TLL2: variants seen among roughly 807,000 people sequenced by gnomAD.
TLL2 encodes tolloid-like protein 2.
Under a neutral mutation model 123.0 loss-of-function variants are expected in TLL2, and 106 were observed. The ratio of observed to expected loss-of-function variants is 0.86; its 90% CI spans 0.74 to 1.01. TLL2 has a LOEUF of 1.01. TLL2 is among the 50% of genes least tolerant of loss of function. The pLI is 0.00. For synonymous variants in TLL2, 494 were observed against 516.8 expected (o/e 0.96, Z 0.60); for missense variants, 1,332 against 1,336.7 (o/e 1.00, Z 0.06).
chr10:96,460,998 C>G, intron 2 of TLL2, among the ~76,000 whole-genome samples: 1 of 152,192 alleles, frequency 6.6e-6, no homozygotes, highest in East Asian at 1.9e-4. Flanking sequence ...TATCAGCCAC[C>G]TAGTCTATGA....
intron 1 of TLL2, among the ~76,000 whole-genome samples, chr10:96,498,743 C>T (rs1264252094): frequency 2.0e-5 from 3 of 152,162 alleles, no homozygotes; most frequent in Admixed American, 6.5e-5. Context: ...TTTTCCACCC[C>T]TTCCATATCC....
intron 1 of TLL2, among the ~76,000 whole-genome samples, chr10:96,499,391 A>G (rs1016323738): frequency 1.3e-5 from 2 of 152,118 alleles, no homozygotes; most frequent in African/African-American, 4.8e-5. Flanking sequence ...TGCATCTGCT[A>G]TTTTTGTTTT....
At chr10:96,510,027 C>T (rs1847612977) in intron 1 of TLL2, among the ~76,000 whole-genome samples, 1 of 152,096 alleles carries the variant, frequency 6.6e-6, no homozygotes, top group Non-Finnish European at 1.5e-5. Context: ...ATTTTTGCTC[C>T]CACTCCCATT....
At position 96,432,937 on chromosome 10, in the gene TLL2, C is replaced by T. The variant is rs1331493593; in HGVS notation, c.390G>A (p.Leu130=). ...GKDGRENTTL[L]HSPGTLHAAA... is the part of the protein sequence containing the mutation. ...CGGCATGCAAGGTCCCAGGGCTGTG[C>T]AGGAGTGTGGTATTCTCCCGGCCAT... Residue 130 remains leucine (L), a synonymous_variant, in exon 4 of 21, where the codon CTG becomes CTA. Transcript: ENST00000357947. 6.2e-7 allele frequency: 1 copy of T among 1,613,966 alleles called. No homozygotes were observed. Among genetic ancestry groups the T allele is most frequent in the Admixed American group, 1.7e-5 (1 of 59,998 alleles).
Position 96,386,157 on chromosome 10 carries a change from C to A in TLL2, c.1911G>T (p.Pro637=), listed in dbSNP as rs556210650. 14 of 1,612,770 alleles carry A rather than the reference C, an allele frequency of 8.7e-6. No homozygotes were observed. Among genetic ancestry groups the A allele is most frequent in the Non-Finnish European group, 1.1e-5 (13 of 1,179,390 alleles). Residue 637 remains proline, a synonymous_variant, in exon 15 of 21, where the codon CCG becomes CCT. Transcript: ENST00000357947. ...AGTTTTTGTTTGTGGGATACTCCTT[C>A]GGCCACCCAGGGCTGGTGATGGTTC... ...LNGTITSPGW[P]KEYPTNKNCV... is the part of the protein sequence containing the mutation.
chr10:96,461,842 T>A (rs947043583), intron 2 of TLL2, among the ~76,000 whole-genome samples: 12 of 152,206 alleles, frequency 7.9e-5, no homozygotes, highest in African/African-American at 2.9e-4. Context: ...CAAAAGCGAA[T>A]CAGATACAGT....
At chr10:96,402,051 TA>T (rs1295549960) in intron 10 of TLL2, among the ~76,000 whole-genome samples, 1 of 152,214 alleles carries the variant, frequency 6.6e-6, no homozygotes, top group Admixed American at 6.5e-5. Context: ...GGTTTTCTCA[TA>T]AAAGTGTGGG....
intron 13 of TLL2, among the ~76,000 whole-genome samples, chr10:96,393,196 C>T (rs1846305190): frequency 6.6e-6 from 1 of 152,166 alleles, no homozygotes; most frequent in African/African-American, 2.4e-5. Flanking sequence ...GACTTCTGAC[C>T]TCCACAACTG....
intron 2 of TLL2, among the ~76,000 whole-genome samples, chr10:96,457,514 C>A (rs887048143): frequency 6.6e-6 from 1 of 152,230 alleles, no homozygotes; most frequent in South Asian, 2.1e-4. Flanking sequence ...CGAACAGCCA[C>A]TGGGGCCTGG....
At chr10:96,457,661 G>A (rs992848873) in intron 2 of TLL2, among the ~76,000 whole-genome samples, 4 of 152,136 alleles carry the variant, frequency 2.6e-5, no homozygotes, top group African/African-American at 7.2e-5. Context: ...GGAAGGAGTC[G>A]GGTATAGTGG....
chr10:96,372,534 C>T (rs554471148), intron 19 of TLL2, among the ~76,000 whole-genome samples: 24 of 152,272 alleles, frequency 1.6e-4, no homozygotes, highest in Admixed American at 1.5e-3. Flanking sequence ...TTCTACTTAA[C>T]GAAGTAGATA....
chr10:96,425,231 TTAGA>T (rs945862839), intron 5 of TLL2, among the ~76,000 whole-genome samples: 13 of 151,394 alleles, frequency 8.6e-5, no homozygotes, highest in Non-Finnish European at 1.8e-4. Context: ...GGTTAGACCA[TTAGA>T]TAGCTACCTC....
At chr10:96,474,000 G>A (rs754296079) in intron 2 of TLL2, among the ~76,000 whole-genome samples, 9 of 152,140 alleles carry the variant, frequency 5.9e-5, no homozygotes, top group Non-Finnish European at 1.3e-4. Flanking sequence ...GCGCGCCTGT[G>A]TGTGTGTCTG....
intron 16 of TLL2, among the ~76,000 whole-genome samples, chr10:96,380,143 CCA>C (rs1299864613): frequency 6.6e-6 from 1 of 152,214 alleles, no homozygotes. Context: ...AGCATCCAGC[CCA>C]CAGTGTTAGC....
chr10:96,373,635 A>T lies in TLL2; in HGVS notation c.2623T>A (p.Ser875Thr), dbSNP rs903175390. Residue 875 changes from serine (S) to threonine (T), a missense_variant, in exon 19 of 21, where the codon TCA becomes ACA. Physicochemically the swap from Ser to Thr is moderately conservative, Grantham distance 58. Coordinates refer to ENST00000357947, the MANE Select transcript of TLL2 (RefSeq NM_012465.4). ...GCCTGGAAGCCTTTCCTCTGCACTG[A>T]GGCATCCGAATAAAACCTGAGAAAC... The part of the protein sequence containing the change: ...SMFLRFYSDA[S>T]VQRKGFQAVH... 1.2e-6 allele frequency: 2 copies of T among 1,614,076 alleles called. No individual in the cohort carries two copies. The highest frequency in any genetic ancestry group is 1.7e-6 in the Non-Finnish European group (2 of 1,180,034).
At chr10:96,467,522 C>G (rs1847142431) in intron 2 of TLL2, among the ~76,000 whole-genome samples, 1 of 152,200 alleles carries the variant, frequency 6.6e-6, no homozygotes, top group African/African-American at 2.4e-5. Context: ...TGTGAGCCAC[C>G]ATGCCTGGCC....
chr10:96,499,114 C>T (rs12569424), intron 1 of TLL2, among the ~76,000 whole-genome samples: 22,479 of 152,162 alleles, frequency 0.15, 1,996 homozygotes, highest in East Asian at 0.4. Flanking sequence ...GGAAGGATAC[C>T]GCAAATAGAA....
chr10:96,392,634 G>A (rs1846299933), intron 13 of TLL2, among the ~76,000 whole-genome samples: 1 of 152,106 alleles, frequency 6.6e-6, no homozygotes, highest in Non-Finnish European at 1.5e-5. Context: ...GGAAGTCAGG[G>A]GAGGAGAAGG....
rs767711021 is a variant in TLL2, at chr10:96,513,636, A to G, written c.50T>C (p.Leu17Pro). ...LGALVSLLLL[L>P]PLPRGAGGLG... The stretch of plus-strand genomic sequence containing the variant: ...TCCCCCGGCGCCGCGAGGCAGCGGC[A>G]GCAGCAGCAGCAGTGACACCAGGGC... The change falls in exon 1 of 21, where the codon CTG becomes CCG. Residue 17 changes from leucine (L) to proline (P), a missense_variant. Transcript: ENST00000357947. 2.5e-6 allele frequency: 4 copies of G among 1,570,066 alleles called. No individual in the cohort carries two copies. The highest frequency in any genetic ancestry group is 1.7e-4 in the Middle Eastern group (1 of 5,734).
Sources: gnomAD v4.1 joint callset for allele counts (sites outside exome capture counted in the v4.1 genomes callset) on GRCh38, gnomAD v4.1.1 for gene constraint, MANE v1.5 for transcripts, NCBI Gene and HGNC (gene_info 2026-07-23, HGNC 2026-07-21) for gene names.